Variants in FAM13B observed in about 807,000 individuals in gnomAD.
The protein encoded by FAM13B is family with sequence similarity 13 member B, also known as protein FAM13B.
A neutral mutation model predicts 117.3 loss-of-function variants in FAM13B; 60 were observed. The observed-to-expected ratio is 0.51, with a 90% CI of 0.42 to 0.63. FAM13B has a LOEUF of 0.63. FAM13B is among the 30% of genes least tolerant of loss of function. The pLI is 0.00. For missense variants in FAM13B, 972 were observed against 1,091.9 expected (o/e 0.89, Z 1.55); for synonymous variants, 332 against 356.1 (o/e 0.93, Z 0.76).
At chr5:138,044,737 A>G (rs1229011368) in intron 1 of FAM13B, among the ~76,000 whole-genome samples, 1 of 152,218 alleles carries the variant, frequency 6.6e-6, no homozygotes, top group Non-Finnish European at 1.5e-5. Flanking sequence ...CCCAAAAAGG[A>G]CTACTATCTA....
chr5:138,045,250 G>A (rs1325117158), intron 1 of FAM13B, among the ~76,000 whole-genome samples: 1 of 152,132 alleles, frequency 6.6e-6, no homozygotes, highest in Non-Finnish European at 1.5e-5. Context: ...AGAAAAGAAT[G>A]AGGCCAGGCA....
intron 1 of FAM13B, among the ~76,000 whole-genome samples, chr5:138,021,494 T>C (rs961761489): frequency 5.3e-5 from 8 of 152,196 alleles, no homozygotes; most frequent in African/African-American, 1.9e-4. Flanking sequence ...TTTCCTCAAT[T>C]ATGTGTGGAC....
At chr5:137,969,647 C>T (rs1227277606) in intron 10 of FAM13B, among the ~76,000 whole-genome samples, 2 of 152,064 alleles carry the variant, frequency 1.3e-5, no homozygotes, top group East Asian at 1.9e-4. Context: ...AGGCTTCAGA[C>T]GATCAAACTA....
intron 7 of FAM13B, among the ~76,000 whole-genome samples, chr5:138,002,276 C>G (rs1180751702): frequency 6.6e-6 from 1 of 152,128 alleles, no homozygotes; most frequent in African/African-American, 2.4e-5. Context: ...CACCTGTTAT[C>G]CCAACACTTT....
intron 8 of FAM13B, 22 bp downstream of exon 8, chr5:137,988,252 C>T: frequency 6.6e-7 from 1 of 1,514,422 alleles, no homozygotes; most frequent in Non-Finnish European, 8.8e-7. Flanking sequence ...AAAAATTTGT[C>T]TTCTATAAAT....
chr5:137,976,706 G>C (rs1375700265), intron 10 of FAM13B, among the ~76,000 whole-genome samples: 1 of 152,100 alleles, frequency 6.6e-6, no homozygotes, highest in African/African-American at 2.4e-5. Context: ...AAATTGTGAA[G>C]ATTTCATGGA....
At position 137,941,950 on chromosome 5, in the gene FAM13B, T is replaced by G. The variant is rs775877494; in HGVS notation, c.2684A>C (p.Asn895Thr). 1 of 1,612,912 alleles carries G rather than the reference T, an allele frequency of 6.2e-7. No individual in the cohort carries two copies. The highest frequency in any genetic ancestry group is 8.5e-7 in the Non-Finnish European group (1 of 1,179,026). Residue 895 changes from asparagine to threonine, a missense_variant, in exon 23 of 24, where the codon AAT becomes ACT. Transcript: ENST00000689681. ...TTTGTGATGCTCAACAAACCTTCCA[T>G]TTTGTTGATAAAATGCTTCTTCAAA... ...REFEEAFYQQ[N>T]GRNAQKEDRV...
chr5:138,014,647 T>C (rs1784843345), intron 4 of FAM13B, among the ~76,000 whole-genome samples: 2 of 152,232 alleles, frequency 1.3e-5, no homozygotes, highest in Admixed American at 6.5e-5. Flanking sequence ...ATTCACTGAA[T>C]GAATACACAA....
chr5:138,043,362 C>CA (rs916539317), intron 1 of FAM13B, among the ~76,000 whole-genome samples: 3 of 151,194 alleles, frequency 2.0e-5, no homozygotes, highest in African/African-American at 7.3e-5. Flanking sequence ...GACCCTGTCT[C>CA]AAAAAATAAA....
chr5:137,982,717 T>A (rs1043545427), intron 10 of FAM13B, among the ~76,000 whole-genome samples: 1 of 152,240 alleles, frequency 6.6e-6, no homozygotes, highest in Non-Finnish European at 1.5e-5. Flanking sequence ...CCACTTTTCA[T>A]CAAACCAAAG....
At chr5:137,957,008 C>T (rs1367430331) in intron 13 of FAM13B, among the ~76,000 whole-genome samples, 1 of 152,200 alleles carries the variant, frequency 6.6e-6, no homozygotes, top group African/African-American at 2.4e-5. Context: ...CAAATTCATA[C>T]TGGTGACAGT....
chr5:137,969,104 C>G (rs1342486601), intron 10 of FAM13B, among the ~76,000 whole-genome samples: 1 of 152,242 alleles, frequency 6.6e-6, no homozygotes, highest in East Asian at 1.9e-4. Flanking sequence ...GGGTGGAGCC[C>G]ACCACAGCTC....
intron 10 of FAM13B, among the ~76,000 whole-genome samples, chr5:137,982,048 A>G (rs1775911809): frequency 6.6e-6 from 1 of 152,236 alleles, no homozygotes; most frequent in South Asian, 2.1e-4. Flanking sequence ...GCCTATAGCT[A>G]TATTTTGATA....
At chr5:137,997,082 G>C (rs1780051043) in intron 7 of FAM13B, among the ~76,000 whole-genome samples, 1 of 152,132 alleles carries the variant, frequency 6.6e-6, no homozygotes, top group African/African-American at 2.4e-5. Flanking sequence ...ACAAAGCACA[G>C]GGAAGAAAAG....
chr5:137,976,911 C>CA (rs1191433964), intron 10 of FAM13B, among the ~76,000 whole-genome samples: 1 of 152,178 alleles, frequency 6.6e-6, no homozygotes, highest in Non-Finnish European at 1.5e-5. Context: ...GAAAAAAGAA[C>CA]AGGATAACAG....
Position 138,021,093 on chromosome 5 carries a change from A to T in FAM13B, c.-98T>A. ...TCTGCACCAGCTACCCTCACTGAGCAAGCATTCTTTTGTCATTTATGGCTG... is the reference window on the plus strand; with the variant it reads ...TCTGCACCAGCTACCCTCACTGAGCTAGCATTCTTTTGTCATTTATGGCTG... On this transcript the variant is annotated 5_prime_UTR_variant, in exon 2 of 24. It introduces an in-frame stop codon into an upstream open reading frame of the 5' UTR. Coordinates refer to ENST00000689681, the MANE Select transcript of FAM13B (RefSeq NM_001385994.1). 8.1e-7 allele frequency: 1 copy of T among 1,231,710 alleles called. No individual in the cohort carries two copies. The highest frequency in any genetic ancestry group is 3.2e-5 in the East Asian group (1 of 31,696). 76.3% of individuals were successfully genotyped at this position (1,231,710 alleles called of 1,614,324 possible). A position where few individuals can be genotyped will look rare whatever the true frequency, so the allele number is the denominator to read the frequency against.
intron 10 of FAM13B, among the ~76,000 whole-genome samples, chr5:137,980,404 C>G (rs1232268890): frequency 6.6e-6 from 1 of 150,860 alleles, no homozygotes; most frequent in African/African-American, 2.4e-5. Context: ...AGAATTAGTT[C>G]CTGCTCTCTT....
intron 15 of FAM13B, 127 bp from the exon 16 acceptor site, chr5:137,953,592 A>C: frequency 1.1e-6 from 1 of 892,772 alleles, no homozygotes; most frequent in Non-Finnish European, 1.7e-6. Flanking sequence ...CTAACACTAA[A>C]GGACAGGTAG....
At chr5:137,973,340 C>T (rs576112128) in intron 10 of FAM13B, among the ~76,000 whole-genome samples, 1 of 151,938 alleles carries the variant, frequency 6.6e-6, no homozygotes, top group Non-Finnish European at 1.5e-5. Flanking sequence ...ACAAACCTGA[C>T]AAAAACAAGC....
Sources: gnomAD v4.1 joint callset for allele counts (sites outside exome capture counted in the v4.1 genomes callset) on GRCh38, gnomAD v4.1.1 for gene constraint, MANE v1.5 for transcripts, NCBI Gene and HGNC (gene_info 2026-07-23, HGNC 2026-07-21) for gene names.